Variants in PTPRD observed in about 807,000 individuals in gnomAD.
PTPRD encodes receptor-type tyrosine-protein phosphatase delta.
In PTPRD, 34 loss-of-function variants were observed where a neutral mutation model predicts 214.5. That is an observed-to-expected ratio of 0.16 (90% confidence interval 0.12 to 0.21). The LOEUF is 0.21. Ranked by LOEUF, PTPRD falls within the 10% of genes least tolerant of loss-of-function variation. PTPRD has a pLI of 1.00. For missense variants in PTPRD, 2,545 were observed against 2,398.7 expected (o/e 1.06, Z -1.27); for synonymous variants, 1,128 against 845.7 (o/e 1.33, Z -5.79).
At chr9:9,615,852 A>G (rs1158650309) in intron 7 of PTPRD, among the ~76,000 whole-genome samples, 1 of 152,202 alleles carries the variant, frequency 6.6e-6, no homozygotes. Context: ...CTCAGAGCCA[A>G]GTGATAGAGT....
intron 7 of PTPRD, 21 bp downstream of exon 7, chr9:9,734,512 C>A: frequency 6.6e-6 from 1 of 150,922 alleles, no homozygotes. Context: ...ACTGAGAGTC[C>A]CAAAGAAAAA....
intron 5 of PTPRD, among the ~76,000 whole-genome samples, chr9:9,886,352 T>C (rs1440684037): frequency 6.6e-6 from 1 of 152,130 alleles, no homozygotes; most frequent in Non-Finnish European, 1.5e-5. Context: ...AAGAGTAATA[T>C]GTAATGAACT....
At chr9:10,315,678 G>C (rs1363886984) in intron 3 of PTPRD, among the ~76,000 whole-genome samples, 1 of 151,828 alleles carries the variant, frequency 6.6e-6, no homozygotes, top group African/African-American at 2.4e-5. Context: ...TAATTTGTGT[G>C]GGTTAAAGTA....
intron 11 of PTPRD, among the ~76,000 whole-genome samples, chr9:8,862,856 G>T (rs1361998291): frequency 1.3e-5 from 2 of 152,082 alleles, no homozygotes; most frequent in Non-Finnish European, 2.9e-5. Flanking sequence ...ACTCATAGGT[G>T]GGAATTGAAC....
At position 8,838,272 on chromosome 9, in the gene PTPRD, CT is replaced by C. The variant is rs147291659; in HGVS notation, c.-103-104327del. Among the ~76,000 whole-genome samples, 553 of 151,334 alleles carry C rather than the reference CT, an allele frequency of 3.7e-3. 5 individuals carry two copies. The highest frequency in any genetic ancestry group is 0.013 in the African/African-American group (522 of 41,204). On this transcript the variant is annotated intron_variant, in intron 11 of 45. Transcript: ENST00000381196. Reference sequence around the variant, plus strand: ...TAAAAAAAAAAGAGTACTGCAAATACTTGGGGGAAGGAAGGACAGTTCGGTG... The same window carrying C: ...TAAAAAAAAAAGAGTACTGCAAATACTGGGGGAAGGAAGGACAGTTCGGTG...
intron 5 of PTPRD, among the ~76,000 whole-genome samples, chr9:9,840,693 G>A (rs2058075708): frequency 7.2e-6 from 1 of 138,846 alleles, no homozygotes; most frequent in Non-Finnish European, 1.5e-5. Context: ...AACACGGGAG[G>A]CAGAGCTTGC....
At chr9:9,282,335 G>T (rs1251185180) in intron 9 of PTPRD, among the ~76,000 whole-genome samples, 1 of 151,134 alleles carries the variant, frequency 6.6e-6, no homozygotes, top group Non-Finnish European at 1.5e-5. Context: ...GCAGAGGTTT[G>T]GGGGGCAATC....
chr9:10,207,858 C>T lies in PTPRD; in HGVS notation c.-545+133105G>A, dbSNP rs564868689. ...TTCTCGTATGGAAGCAAAACAACAA[C>T]AACAACAGAAAAAAAATAAAAACTA... On this transcript the variant is annotated intron_variant, in intron 3 of 45. Transcript: ENST00000381196. 3.6e-3 allele frequency among the ~76,000 whole-genome samples: 546 copies of T among 151,756 alleles called. 5 individuals are homozygous for T. The highest frequency in any genetic ancestry group is 0.013 in the African/African-American group (522 of 41,380).
At chr9:9,461,800 C>G (rs1280184335) in intron 8 of PTPRD, among the ~76,000 whole-genome samples, 1 of 152,100 alleles carries the variant, frequency 6.6e-6, no homozygotes, top group Non-Finnish European at 1.5e-5. Context: ...AGTAAATGAA[C>G]TGTGCAGAGA....
At chr9:10,340,313 G>A (rs2154443343) in intron 3 of PTPRD, among the ~76,000 whole-genome samples, 1 of 151,968 alleles carries the variant, frequency 6.6e-6, no homozygotes. Flanking sequence ...AATAGCAAAA[G>A]CATACCAATC....
intron 8 of PTPRD, among the ~76,000 whole-genome samples, chr9:9,521,291 T>C (rs2096965876): frequency 6.6e-6 from 1 of 152,144 alleles, no homozygotes; most frequent in African/African-American, 2.4e-5. Context: ...GTGGTCTGCA[T>C]TCCAGGATGT....
chr9:9,336,726 T>A (rs1185484163), intron 9 of PTPRD, among the ~76,000 whole-genome samples: 2 of 152,208 alleles, frequency 1.3e-5, no homozygotes, highest in Non-Finnish European at 2.9e-5. Context: ...ACCTTATATG[T>A]GCCTGTCAAC....
At position 8,521,325 on chromosome 9, in the gene PTPRD, T is replaced by G. The variant is rs1335469081; in HGVS notation, c.913A>C (p.Met305Leu). 6.2e-7 allele frequency: 1 copy of G among 1,613,854 alleles called. No individual in the cohort carries two copies. The highest frequency in any genetic ancestry group is 8.5e-7 in the Non-Finnish European group (1 of 1,179,904). Reference protein sequence around the residue: ...RQSANYTCVAMSTLGVIEAIA... With the variant: ...RQSANYTCVALSTLGVIEAIA... ...GCTTCAATGACACCCAGTGTTGACATAGCAACACAGGTGTAATTTGCTGAC... is the reference window on the plus strand; with the variant it reads ...GCTTCAATGACACCCAGTGTTGACAGAGCAACACAGGTGTAATTTGCTGAC... Residue 305 changes from methionine to leucine, a missense_variant, in exon 20 of 46, where the codon ATG becomes CTG. By Grantham distance (15) the Met-to-Leu change is conservative. Coordinates refer to ENST00000381196, the MANE Select transcript of PTPRD (RefSeq NM_002839.4).
chr9:8,864,191 A>T lies in PTPRD; in HGVS notation c.-103-130245T>A, dbSNP rs201185754. Among the ~76,000 whole-genome samples the T allele has an allele frequency of 3.3e-5, 5 of 152,336 alleles. No individual in the cohort carries two copies. The East Asian group carries it at 7.7e-4, about 24-fold the overall frequency. ...GTCAAATCATGGGACATAACCTGAA[A>T]AGGAAGTTAAATTTTGAACTTCAAT... On this transcript the variant is annotated intron_variant, in intron 11 of 45. Coordinates refer to ENST00000381196, the MANE Select transcript of PTPRD (RefSeq NM_002839.4).
intron 34 of PTPRD, among the ~76,000 whole-genome samples, chr9:8,445,617 C>T (rs562750059): frequency 6.6e-6 from 1 of 152,248 alleles, no homozygotes; most frequent in Admixed American, 6.5e-5. Flanking sequence ...TAACACTATG[C>T]AGCATCCTGG....
At chr9:10,268,640 G>C (rs761332932) in intron 3 of PTPRD, among the ~76,000 whole-genome samples, 5 of 151,990 alleles carry the variant, frequency 3.3e-5, no homozygotes, top group South Asian at 4.2e-4. Flanking sequence ...AGTTCCATTT[G>C]TACAAAACAC....
At chr9:10,096,895 C>T (rs922344415) in intron 3 of PTPRD, among the ~76,000 whole-genome samples, 20 of 152,018 alleles carry the variant, frequency 1.3e-4, no homozygotes, top group Non-Finnish European at 2.9e-4. Context: ...AGTCTTTAAT[C>T]CATCTTGAAT....
intron 7 of PTPRD, among the ~76,000 whole-genome samples, chr9:9,675,649 A>C (rs1051293356): frequency 2.6e-5 from 4 of 151,956 alleles, no homozygotes; most frequent in African/African-American, 7.2e-5. Context: ...TAAAGTAATA[A>C]AATTCTATGA....
At chr9:8,442,164 A>G (rs2381802) in intron 34 of PTPRD, among the ~76,000 whole-genome samples, 20,131 of 152,264 alleles carry the variant, frequency 0.13, 1,636 homozygotes, top group East Asian at 0.28. Context: ...AACTAAAGGT[A>G]TTAATTTAAA....
Sources: gnomAD v4.1 joint callset for allele counts (sites outside exome capture counted in the v4.1 genomes callset) on GRCh38, gnomAD v4.1.1 for gene constraint, MANE v1.5 for transcripts, NCBI Gene and HGNC (gene_info 2026-07-23, HGNC 2026-07-21) for gene names.